The following CRTAC1 variants were observed in gnomAD, a reference collection of about 807,000 sequenced individuals.
CRTAC1 encodes the protein cartilage acidic protein 1.
A neutral mutation model predicts 67.8 loss-of-function variants in CRTAC1; 37 were observed. The ratio of observed to expected loss-of-function variants is 0.55; its 90% CI spans 0.42 to 0.72. The LOEUF is 0.72. Among genes scored for constraint, CRTAC1 ranks in the 30% least tolerant of loss-of-function variants. The probability of loss-of-function intolerance (pLI) is 0.00; values close to 1 mark genes in which losing one functional copy is unlikely to be tolerated. For synonymous variants in CRTAC1, 348 were observed against 371.0 expected (o/e 0.94, Z 0.71); for missense variants, 780 against 931.6 (o/e 0.84, Z 2.12).
chr10:98,013,006 T>C (rs1203958954), intron 1 of CRTAC1, among the ~76,000 whole-genome samples: 1 of 152,164 alleles, frequency 6.6e-6, no homozygotes, highest in Non-Finnish European at 1.5e-5. Context: ...AAACTCATAA[T>C]TGGATTAATG....
intron 6 of CRTAC1, among the ~76,000 whole-genome samples, chr10:97,905,858 G>A (rs375713852): frequency 3.3e-5 from 5 of 152,206 alleles, no homozygotes; most frequent in African/African-American, 9.7e-5. Flanking sequence ...TACTATCCAC[G>A]GAGTGGGTGC....
chr10:97,896,906 C>T lies in CRTAC1; in HGVS notation c.1216+3G>A. ...CAGGCCAGATCCCCCAGGTGCCCCT[C>T]ACCTGTGCCCCGGCCCTCAGGCTCC... On this transcript the variant is annotated splice_donor_region_variant and intron_variant, in intron 9 of 14. Coordinates refer to ENST00000370597, the MANE Select transcript of CRTAC1 (RefSeq NM_018058.7). The T allele has an allele frequency of 6.4e-7, 1 of 1,553,036 alleles. No individual in the cohort carries two copies. The highest frequency in any genetic ancestry group is 8.7e-7 in the Non-Finnish European group (1 of 1,147,420).
chr10:97,880,501 G>T, intron 13 of CRTAC1, 109 bp from the exon 14 acceptor site: 1 of 1,360,424 alleles, frequency 7.4e-7, no homozygotes, highest in Non-Finnish European at 1.0e-6. Context: ...CTTCCTCGCA[G>T]AGCCTCAGTT....
chr10:97,936,874 C>T (rs1376260174), intron 2 of CRTAC1, among the ~76,000 whole-genome samples: 3 of 152,112 alleles, frequency 2.0e-5, no homozygotes, highest in Admixed American at 2.0e-4. Flanking sequence ...CAAGGTAACA[C>T]GGCCTAGGAA....
At chr10:97,896,816 T>C (rs1264105833) in intron 9 of CRTAC1, 93 bp downstream of exon 9, 3 of 775,048 alleles carry the variant, frequency 3.9e-6, no homozygotes, top group Non-Finnish European at 4.0e-6. Context: ...GGCTCTGCTG[T>C]GGGACTGGCT....
At position 98,030,322 on chromosome 10, in the gene CRTAC1, GCGATCC is replaced by G. The variant is rs1359278599; in HGVS notation, c.24+121_24+126del. ...AGTTAGGAGCGAAGCCGCCGCCTTC[GCGATCC>G]CAGTCTTCCCGGGTTCCCGGGCGGC... On this transcript the variant is annotated intron_variant, in intron 1 of 14. Coordinates refer to ENST00000370597, the MANE Select transcript of CRTAC1 (RefSeq NM_018058.7). The surrounding 1 kb of genome is among the most constrained non-coding windows in gnomAD (Gnocchi z 4.2). 1.0e-4 allele frequency: 58 copies of G among 564,840 alleles called. No homozygotes were observed. Among genetic ancestry groups the G allele is most frequent in the Non-Finnish European group, 1.1e-4 (42 of 368,776 alleles). 35.0% of individuals were successfully genotyped at this position (564,840 alleles called of 1,614,324 possible).
intron 2 of CRTAC1, among the ~76,000 whole-genome samples, chr10:97,962,842 G>A (rs1469857921): frequency 1.3e-5 from 2 of 151,286 alleles, no homozygotes; most frequent in Non-Finnish European, 2.9e-5. Flanking sequence ...CGCGCATCTC[G>A]GTGGCATCAA....
chr10:97,867,055 A>G (rs1644717723), intron 14 of CRTAC1: 1 of 152,266 alleles, frequency 6.6e-6, no homozygotes, highest in Admixed American at 6.5e-5. Context: ...TCTAGGAAAG[A>G]AGAGCCAAAC....
intron 2 of CRTAC1, among the ~76,000 whole-genome samples, chr10:97,949,564 G>C (rs1211755263): frequency 6.6e-6 from 1 of 152,252 alleles, no homozygotes; most frequent in Non-Finnish European, 1.5e-5. Flanking sequence ...AAAGGTGGCA[G>C]AAGCATCTGC....
chr10:98,002,906 G>T (rs1842720404), intron 2 of CRTAC1, among the ~76,000 whole-genome samples: 1 of 150,204 alleles, frequency 6.7e-6, no homozygotes. Flanking sequence ...AGCCTCCAGA[G>T]TAGCTGGGAC....
intron 1 of CRTAC1, among the ~76,000 whole-genome samples, chr10:98,024,795 C>CCACACA (rs112213274): frequency 8.1e-4 from 96 of 118,530 alleles, no homozygotes; most frequent in African/African-American, 3.0e-3. Flanking sequence ...CACCTCTCCA[C>CCACACA]CACACACACA....
chr10:97,957,505 A>T (rs1331147158), intron 2 of CRTAC1, among the ~76,000 whole-genome samples: 2 of 152,028 alleles, frequency 1.3e-5, no homozygotes, highest in East Asian at 3.9e-4. Context: ...TATGATCTCC[A>T]TTTTACTGAT....
In CRTAC1 at chr10:97,958,461, G is replaced by GA. The variant is rs527838625; in HGVS notation, c.225-22096_225-22095insT. Among the ~76,000 whole-genome samples the GA allele has an allele frequency of 3.8e-3, 586 of 152,218 alleles. 2 individuals carry two copies. The highest frequency in any genetic ancestry group is 0.013 in the African/African-American group (554 of 41,524). ...ACTTGTAGAGCTAGTGAATCTCCTT[G>GA]TTTTTTTGTTTTTTAACCAACAGAC... On this transcript the variant is annotated intron_variant, in intron 2 of 14. Transcript: ENST00000370597.
chr10:97,865,922 G>T, intron 14 of CRTAC1: 1 of 700,184 alleles, frequency 1.4e-6, no homozygotes, highest in Admixed American at 3.2e-5. Flanking sequence ...TGACCTGGGG[G>T]CTTTTCCTTC....
chr10:98,027,156 G>A (rs1843251183), intron 1 of CRTAC1, among the ~76,000 whole-genome samples: 2 of 148,390 alleles, frequency 1.3e-5, no homozygotes, highest in African/African-American at 5.0e-5. Context: ...GACAGAGCGA[G>A]ACTCCGTCTC....
chr10:97,866,808 GTA>G (rs958102151), intron 14 of CRTAC1: 17 of 152,222 alleles, frequency 1.1e-4, no homozygotes, highest in African/African-American at 3.6e-4. Context: ...GAGTGTGTGT[GTA>G]TGCAGGTGAG....
At chr10:97,989,079 C>A (rs1201561974) in intron 2 of CRTAC1, among the ~76,000 whole-genome samples, 2 of 152,232 alleles carry the variant, frequency 1.3e-5, no homozygotes, top group African/African-American at 4.8e-5. Flanking sequence ...GGCATCTCAT[C>A]TCATCTTCTC....
intron 6 of CRTAC1, among the ~76,000 whole-genome samples, chr10:97,905,520 C>T (rs2050599624): frequency 6.6e-6 from 1 of 152,216 alleles, no homozygotes; most frequent in African/African-American, 2.4e-5. Context: ...TCTTCTCCTC[C>T]AACATGTTGA....
rs1343411340 is a variant in CRTAC1 at position 97,923,279 on chromosome 10, G to A, written c.543C>T (p.Ala181=). 1 of 1,614,106 alleles carries A rather than the reference G, an allele frequency of 6.2e-7. No homozygotes were observed. Among genetic ancestry groups the A allele is most frequent in the African/African-American group, 1.3e-5 (1 of 75,074 alleles). ...VASLFAGRSV[A]CVDRKGSGRY... Reference sequence around the variant, plus strand: ...CTGCACTCACCTTTCTGTCCACACAGGCCACAGAGCGTCCGGCAAAGAGGC... The same window carrying A: ...CTGCACTCACCTTTCTGTCCACACAAGCCACAGAGCGTCCGGCAAAGAGGC... The change falls in exon 4 of 15, where the codon GCC becomes GCT. Residue 181 remains alanine, a synonymous_variant. Transcript: ENST00000370597.
Sources: allele counts gnomAD v4.1 joint callset (sites outside exome capture counted in the v4.1 genomes callset), GRCh38; gene constraint gnomAD v4.1.1; non-coding constraint Gnocchi (gnomAD v3.1); transcripts MANE v1.5; gene names NCBI Gene and HGNC (gene_info 2026-07-23, HGNC 2026-07-21).